Variants in SMARCAD1 observed in about 807,000 individuals in gnomAD.
SMARCAD1 encodes the protein SNF2 related chromatin remodeling ATPase with DExD box 1.
Under a neutral mutation model 127.1 loss-of-function variants are expected in SMARCAD1, and 25 were observed. That is an observed-to-expected ratio of 0.20 (90% CI 0.14 to 0.27). The LOEUF is 0.27. Among genes scored for constraint, SMARCAD1 ranks in the 10% least tolerant of loss-of-function variants. The pLI, the probability that SMARCAD1 is intolerant of heterozygous loss-of-function variation, is 1.00. For synonymous variants in SMARCAD1, 400 were observed against 396.9 expected, an observed-to-expected ratio of 1.01 and a Z score of -0.09; for missense variants, 807 against 1,206.0, an observed-to-expected ratio of 0.67 and a Z score of 4.90.
intron 2 of SMARCAD1, among the ~76,000 whole-genome samples, chr4:94,214,668 G>C (rs909720956): frequency 6.6e-5 from 10 of 152,068 alleles, no homozygotes; most frequent in African/African-American, 2.4e-4. Context: ...AAGAACAGTT[G>C]GACTGTTTAA....
chr4:94,223,793 G>A (rs1744566596), intron 2 of SMARCAD1, among the ~76,000 whole-genome samples: 1 of 148,936 alleles, frequency 6.7e-6, no homozygotes, highest in Non-Finnish European at 1.5e-5. Context: ...ACCTTGGCTG[G>A]GCTGATGTCG....
intron 2 of SMARCAD1, among the ~76,000 whole-genome samples, chr4:94,219,999 T>G (rs1743848194): frequency 6.6e-6 from 1 of 152,226 alleles, no homozygotes; most frequent in Admixed American, 6.5e-5. Context: ...TTTCCTCTGT[T>G]TTTGTAGTTT....
intron 19 of SMARCAD1, 75 bp downstream of exon 19, chr4:94,279,125 C>A: frequency 6.3e-7 from 1 of 1,581,288 alleles, no homozygotes; most frequent in Non-Finnish European, 8.7e-7. Context: ...TTGGTGAACC[C>A]AATGGGCATA....
At chr4:94,241,908 T>TCA (rs1164149397) in intron 6 of SMARCAD1, among the ~76,000 whole-genome samples, 1 of 152,206 alleles carries the variant, frequency 6.6e-6, no homozygotes, top group Non-Finnish European at 1.5e-5. Context: ...TAACTGGTGT[T>TCA]CACAAAATGG....
chr4:94,236,890 C>T, intron 4 of SMARCAD1, 62 bp from the exon 5 acceptor site: 1 of 1,280,478 alleles, frequency 7.8e-7, no homozygotes, highest in Non-Finnish European at 1.1e-6. Flanking sequence ...TTAAATATTT[C>T]AGTAACTGAA....
At chr4:94,274,859 T>TC (rs777309999) in intron 13 of SMARCAD1, 31 bp from the exon 14 acceptor site, 3 of 1,588,396 alleles carry the variant, frequency 1.9e-6, no homozygotes, top group Non-Finnish European at 2.6e-6. Context: ...GCACAATAAA[T>TC]AGTCATGTGT....
chr4:94,262,266 A>G (rs1238471674), intron 9 of SMARCAD1, among the ~76,000 whole-genome samples: 3 of 152,154 alleles, frequency 2.0e-5, no homozygotes, highest in Non-Finnish European at 4.4e-5. Flanking sequence ...TTCCTTTGCC[A>G]TCTTGGTAAA....
At position 94,274,793 on chromosome 4, in the gene SMARCAD1, C is replaced by T; in HGVS notation, c.1728C>T (p.Tyr576=). The change falls in exon 13 of 24, where the codon TAC becomes TAT. Residue 576 remains tyrosine (Y), a synonymous_variant. Transcript: ENST00000354268. ...LWCPTLKVLC[Y]YGSQEERKQI... ...GCCCTACTTTGAAGGTCCTCTGTTA[C>T]TATGGTAAGAATATGTCATTCTGCT... The T allele has an allele frequency of 6.2e-7, 1 of 1,613,658 alleles. No individual in the cohort carries two copies. The highest frequency in any genetic ancestry group is 8.5e-7 in the Non-Finnish European group (1 of 1,179,672).
Position 94,235,883 on chromosome 4 carries a change from T to A in SMARCAD1, c.538-1069T>A, listed in dbSNP as rs141252452. 2.4e-3 allele frequency among the ~76,000 whole-genome samples: 361 copies of A among 152,262 alleles called. 5 individuals are homozygous for A. The highest frequency in any genetic ancestry group is 8.3e-3 in the African/African-American group (343 of 41,574). On this transcript the variant is annotated intron_variant, in intron 4 of 23. Transcript: ENST00000354268. ...TTTTATTGGAAAAATAAGATTGATA[T>A]GCATAATTTCCCTGAATGTTTCATA...
Position 94,264,698 on chromosome 4 carries a change from A to G in SMARCAD1, c.1282-9A>G, listed in dbSNP as rs1366257668. 2 of 1,607,282 alleles carry G rather than the reference A, an allele frequency of 1.2e-6. No individual in the cohort carries two copies. Among genetic ancestry groups the G allele is most frequent in the African/African-American group, 1.3e-5 (1 of 74,838 alleles). On this transcript the variant is annotated splice_polypyrimidine_tract_variant and intron_variant, in intron 9 of 23. Transcript: ENST00000354268. ...GAACTATTCAATTATTTTTCTTTTT[A>G]TGCTATAGTTCACAAAGATGTCCAA...
chr4:94,253,639 C>T (rs1340223800), intron 9 of SMARCAD1: 3 of 1,034,080 alleles, frequency 2.9e-6, no homozygotes, highest in African/African-American at 3.4e-5. Flanking sequence ...GCCTATAATT[C>T]AAGCGTTAGG....
Position 94,264,832 on chromosome 4 carries a change from G to T in SMARCAD1, c.1407G>T (p.Leu469Phe). Residue 469 changes from leucine (L) to phenylalanine (F), a missense_variant, in exon 10 of 24, where the codon TTG (leucine) becomes TTT (phenylalanine). By Grantham distance (22) the Leu-to-Phe change is conservative (BLOSUM62 0). Around this residue, in one of 8 missense-constraint regions of SMARCAD1, gnomAD observed 257 missense variants for 303.4 expected, o/e 0.85. Transcript: ENST00000354268. ...MNKCEDISNK[L>F]TKQVTMLTGN... ...AATGTGAAGACATTTCAAATAAATT[G>T]ACCAAACAAGTTACCATGCTTACTG... is the stretch of plus-strand genomic sequence containing the variant. 1 of 1,613,064 alleles carries T rather than the reference G, an allele frequency of 6.2e-7. No homozygotes were observed. Among genetic ancestry groups the T allele is most frequent in the South Asian group, 1.1e-5 (1 of 91,004 alleles).
chr4:94,267,898 T>C (rs1024653369), intron 10 of SMARCAD1, among the ~76,000 whole-genome samples: 1 of 152,144 alleles, frequency 6.6e-6, no homozygotes, highest in African/African-American at 2.4e-5. Flanking sequence ...ATGGGAAATA[T>C]GATTATATAG....
At chr4:94,232,008 C>T (rs970745383) in intron 3 of SMARCAD1, among the ~76,000 whole-genome samples, 3 of 151,886 alleles carry the variant, frequency 2.0e-5, no homozygotes, top group African/African-American at 4.8e-5. Flanking sequence ...ATTACAGGCA[C>T]CCGCCACCAT....
chr4:94,263,574 T>C (rs1751325769), intron 9 of SMARCAD1, among the ~76,000 whole-genome samples: 1 of 152,030 alleles, frequency 6.6e-6, no homozygotes, highest in Non-Finnish European at 1.5e-5. Flanking sequence ...AAATGTATAT[T>C]GCTATAAACT....
In SMARCAD1 at chr4:94,273,625, A is replaced by G; in HGVS notation, c.1581A>G (p.Gly527=). 6.2e-7 allele frequency: 1 copy of G among 1,613,364 alleles called. No homozygotes were observed. The highest frequency in any genetic ancestry group is 8.5e-7 in the Non-Finnish European group (1 of 1,179,554). The change falls in exon 12 of 24, where the codon GGA becomes GGG. Residue 527 remains glycine, a synonymous_variant. Coordinates refer to ENST00000354268, the MANE Select transcript of SMARCAD1 (RefSeq NM_020159.5). Reference sequence around the variant, plus strand: ...TCTTTTAAACTTTTTAGGGCCTAGGAAAAACTATTCAAGCCATTGCATTTC... The same window carrying G: ...TCTTTTAAACTTTTTAGGGCCTAGGGAAAACTATTCAAGCCATTGCATTTC... ...NGILADEMGL[G]KTIQAIAFLA... is the part of the protein sequence containing the mutation.
At chr4:94,250,170 T>C (rs1349342636) in intron 7 of SMARCAD1, among the ~76,000 whole-genome samples, 1 of 151,882 alleles carries the variant, frequency 6.6e-6, no homozygotes, top group Non-Finnish European at 1.5e-5. Context: ...ACTTCCCAGA[T>C]AGTGAGAATG....
intron 6 of SMARCAD1, among the ~76,000 whole-genome samples, chr4:94,249,421 GTTT>G (rs992921403): frequency 6.6e-6 from 1 of 152,006 alleles, no homozygotes; most frequent in African/African-American, 2.4e-5. Context: ...TGAGAATAAA[GTTT>G]GAGTTACCGG....
intron 10 of SMARCAD1, among the ~76,000 whole-genome samples, chr4:94,265,546 A>T (rs1751614086): frequency 6.6e-6 from 1 of 151,850 alleles, no homozygotes; most frequent in Non-Finnish European, 1.5e-5. Context: ...TACATATTAA[A>T]GTGGTTTTTG....
Sources: gnomAD v4.1 joint callset for allele counts (sites outside exome capture counted in the v4.1 genomes callset) on GRCh38, gnomAD v4.1.1 for gene constraint, gnomAD v4.1.1 regional missense constraint, MANE v1.5 for transcripts, NCBI Gene and HGNC (gene_info 2026-07-23, HGNC 2026-07-21) for gene names.